The following ARID3B variants were observed in gnomAD, a reference collection of about 807,000 sequenced individuals.
ARID3B encodes the protein AT-rich interaction domain 3B.
ARID3B carries 10 observed loss-of-function variants against 51.9 expected under a neutral mutation model. That is an observed-to-expected ratio of 0.19 (90% confidence interval 0.12 to 0.33). ARID3B has a LOEUF of 0.33. Ranked by LOEUF, ARID3B falls within the 10% of genes least tolerant of loss-of-function variation. The pLI is 1.00. For missense variants in ARID3B, 483 were observed against 716.3 expected (o/e 0.67, Z 3.72); for synonymous variants, 205 against 279.5 (o/e 0.73, Z 2.66).
chr15:74,591,636 T>C lies in ARID3B; in HGVS notation c.1242T>C (p.Ala414=). 6.2e-7 allele frequency: 1 copy of C among 1,603,614 alleles called. No individual in the cohort carries two copies. The highest frequency in any genetic ancestry group is 8.5e-7 in the Non-Finnish European group (1 of 1,174,976). ...CCGTGACCTTGGCAAGCCAGCAGGC[T>C]GGTACTCGGACCGCCGCACTGGAGC... The part of the protein sequence containing the change: ...AVPVTLASQQ[A]GTRTAALEQL... The change falls in exon 7 of 9, where the codon GCT becomes GCC. Residue 414 remains alanine (A), a synonymous_variant. Coordinates refer to ENST00000346246, the MANE Select transcript of ARID3B (RefSeq NM_006465.4). This position sits in a 1 kb window ranked among gnomAD's most constrained non-coding sequence, Gnocchi z 5.8.
At chr15:74,553,854 G>T (rs1047492264) in intron 2 of ARID3B, among the ~76,000 whole-genome samples, 1 of 150,060 alleles carries the variant, frequency 6.7e-6, no homozygotes, top group African/African-American at 2.5e-5. Flanking sequence ...ACAGAGTTTC[G>T]CTCTTGTTGC....
intron 4 of ARID3B, among the ~76,000 whole-genome samples, chr15:74,584,986 G>A (rs1214474535): frequency 6.6e-6 from 1 of 152,206 alleles, no homozygotes; most frequent in Non-Finnish European, 1.5e-5. Flanking sequence ...CTTTATTGAG[G>A]AGGGAACTGG....
At chr15:74,578,731 AC>A (rs777724378) in intron 4 of ARID3B, among the ~76,000 whole-genome samples, 11 of 152,134 alleles carry the variant, frequency 7.2e-5, no homozygotes, top group Admixed American at 3.3e-4. Context: ...TACAAAAAAA[AC>A]ATTTTTTTTT....
At chr15:74,541,854 G>C (rs1022601448) in intron 1 of ARID3B, among the ~76,000 whole-genome samples, 7 of 152,142 alleles carry the variant, frequency 4.6e-5, no homozygotes, top group Non-Finnish European at 8.8e-5. Context: ...TAGGGGAAAT[G>C]GGGGAGGGGC....
chr15:74,588,744 C>G (rs565760802), intron 4 of ARID3B, among the ~76,000 whole-genome samples: 1 of 152,048 alleles, frequency 6.6e-6, no homozygotes, highest in African/African-American at 2.4e-5. Context: ...TCATTAGTAG[C>G]CCTTCCTCCT....
rs1488088034 is a variant in ARID3B, at chr15:74,545,640, C to A, written c.552+1152C>A. Among the ~76,000 whole-genome samples, 5 of 152,210 alleles carry A rather than the reference C, an allele frequency of 3.3e-5. No homozygotes were observed. The East Asian group carries it at 7.7e-4, about 23-fold the overall frequency. ...GTACCCTGCAGAAGCACACACACTTCTTGTGATCCAGTGGTACTGTTTAGA... is the reference window on the plus strand; with the variant it reads ...GTACCCTGCAGAAGCACACACACTTATTGTGATCCAGTGGTACTGTTTAGA... On this transcript the variant is annotated intron_variant, in intron 2 of 8. Coordinates refer to ENST00000346246, the MANE Select transcript of ARID3B (RefSeq NM_006465.4).
intron 4 of ARID3B, among the ~76,000 whole-genome samples, chr15:74,575,364 G>A (rs2061734004): frequency 6.6e-6 from 1 of 152,206 alleles, no homozygotes; most frequent in Admixed American, 6.5e-5. Flanking sequence ...TAGACTAGGA[G>A]CTCCTCAAGG....
At chr15:74,583,559 A>T (rs1372657354) in intron 4 of ARID3B, among the ~76,000 whole-genome samples, 1 of 152,004 alleles carries the variant, frequency 6.6e-6, no homozygotes, top group Non-Finnish European at 1.5e-5. Context: ...TCCACTAAAA[A>T]TGCAAAAATT....
In ARID3B at chr15:74,595,756, C is replaced by T. The variant is rs1253954582; in HGVS notation, c.1665C>T (p.Ser555=). The change falls in exon 9 of 9, where the codon TCC becomes TCT. Residue 555 remains serine (S), a synonymous_variant. Transcript: ENST00000346246. ...SSRGTPSAEP[S]TSWSL is the part of the protein sequence containing the mutation. ...GGGGCACCCCCAGCGCAGAGCCCTC[C>T]ACCAGCTGGTCCCTCTGATGGGCAG... 7 of 1,605,750 alleles carry T rather than the reference C, an allele frequency of 4.4e-6. No individual in the cohort carries two copies. Among genetic ancestry groups the T allele is most frequent in the Middle Eastern group, 3.3e-4 (2 of 6,020 alleles).
At chr15:74,586,878 G>A (rs1249763103) in intron 4 of ARID3B, among the ~76,000 whole-genome samples, 1 of 152,228 alleles carries the variant, frequency 6.6e-6, no homozygotes, top group Non-Finnish European at 1.5e-5. Flanking sequence ...GAAATTCTGA[G>A]AGGGAAGAAA....
chr15:74,563,632 T>A (rs1254229376), intron 2 of ARID3B, among the ~76,000 whole-genome samples: 2 of 151,936 alleles, frequency 1.3e-5, no homozygotes, highest in African/African-American at 4.8e-5. Context: ...GTGTGGAGCC[T>A]CTGTGGTGTG....
In ARID3B at chr15:74,591,474, AG is replaced by A. The variant is rs1254721564; in HGVS notation, c.1165+43del. 1 of 1,593,608 alleles carries A rather than the reference AG, an allele frequency of 6.3e-7. No individual in the cohort carries two copies. The highest frequency in any genetic ancestry group is 1.1e-5 in the South Asian group (1 of 89,158). ...TGGGGGAGAAGGAAGAAAGGGAGGA[AG>A]GGATGCCAGTTCCCTGTGTTCAAGA... is the stretch of plus-strand genomic sequence containing the variant. On this transcript the variant is annotated intron_variant, in intron 6 of 8. Transcript: ENST00000346246. The surrounding 1 kb of genome is among the most constrained non-coding windows in gnomAD (Gnocchi z 5.8).
chr15:74,595,367 C>T (rs2061820537), intron 8 of ARID3B, among the ~76,000 whole-genome samples: 2 of 152,232 alleles, frequency 1.3e-5, no homozygotes, highest in Admixed American at 6.5e-5. Context: ...ACCCTGGGTA[C>T]ACCTTGTCTC....
At chr15:74,563,568 G>A (rs1196541668) in intron 2 of ARID3B, among the ~76,000 whole-genome samples, 1 of 152,130 alleles carries the variant, frequency 6.6e-6, no homozygotes, top group Non-Finnish European at 1.5e-5. Context: ...TCACCAGCGG[G>A]TCCATTGAAG....
At chr15:74,548,111 A>G (rs1010414724) in intron 2 of ARID3B, among the ~76,000 whole-genome samples, 1 of 152,240 alleles carries the variant, frequency 6.6e-6, no homozygotes, top group Non-Finnish European at 1.5e-5. Flanking sequence ...AACCCATCAG[A>G]TTCCTATGGG....
In ARID3B at chr15:74,566,698, A is replaced by C. The variant is rs373237614; in HGVS notation, c.553-6164A>C. Among the ~76,000 whole-genome samples the C allele has an allele frequency of 6.3e-4, 96 of 152,188 alleles. 1 individual carries two copies. The highest frequency in any genetic ancestry group is 1.0e-3 in the Admixed American group (16 of 15,270). Reference sequence around the variant, plus strand: ...CAGTGCAGCCTGGTTCCAAATCTTCATTGTAGGGTGGAAAGCAAATGATAA... The same window carrying C: ...CAGTGCAGCCTGGTTCCAAATCTTCCTTGTAGGGTGGAAAGCAAATGATAA... On this transcript the variant is annotated intron_variant, in intron 2 of 8. Transcript: ENST00000346246.
chr15:74,574,782 A>T (rs181108944), intron 4 of ARID3B: 428 of 152,302 alleles, frequency 2.8e-3, no homozygotes, highest in Non-Finnish European at 4.4e-3. Flanking sequence ...AGGTGGGTGG[A>T]TCAGGATGTC....
chr15:74,566,154 T>TG, intron 2 of ARID3B, among the ~76,000 whole-genome samples: 1 of 152,286 alleles, frequency 6.6e-6, no homozygotes, highest in South Asian at 2.1e-4. Flanking sequence ...CAGCTTGGGC[T>TG]ACTGCACAGC....
chr15:74,548,427 G>A (rs943256760), intron 2 of ARID3B, among the ~76,000 whole-genome samples: 4 of 152,204 alleles, frequency 2.6e-5, no homozygotes, highest in Non-Finnish European at 4.4e-5. Context: ...TTTGGTTACT[G>A]CATGTGGCTG....
Sources: allele counts gnomAD v4.1 joint callset (sites outside exome capture counted in the v4.1 genomes callset), GRCh38; gene constraint gnomAD v4.1.1; non-coding constraint Gnocchi (gnomAD v3.1); transcripts MANE v1.5; gene names NCBI Gene and HGNC (gene_info 2026-07-23, HGNC 2026-07-21).